The following REXO1 variants were observed in gnomAD, a reference collection of about 807,000 sequenced individuals.
REXO1 encodes REX1, RNA exonuclease 1 homolog.
REXO1 carries 42 observed loss-of-function variants against 102.6 expected under a neutral mutation model. That is an observed-to-expected ratio of 0.41 (90% confidence interval 0.32 to 0.53). REXO1 has a LOEUF of 0.53. REXO1 is among the 20% of genes least tolerant of loss of function. REXO1 has a pLI of 0.27. For missense variants in REXO1, 1,819 were observed against 1,732.5 expected, an observed-to-expected ratio of 1.05 and a Z score of -0.89; for synonymous variants, 908 against 779.1, an observed-to-expected ratio of 1.17 and a Z score of -2.76.
Position 1,817,217 on chromosome 19 carries a change from A to G in REXO1, c.3201+2T>C. 1.2e-6 allele frequency: 2 copies of G among 1,612,248 alleles called. No individual in the cohort carries two copies. The highest frequency in any genetic ancestry group is 1.7e-6 in the Non-Finnish European group (2 of 1,179,976). ...CCGACGCTGGGCAGAGAACAGCCTC[A>G]CCATCTCGCAGTCCAGGGCGTAGAT... On this transcript the variant is annotated splice_donor_variant, in intron 12 of 15. Coordinates refer to ENST00000170168, the MANE Select transcript of REXO1 (RefSeq NM_020695.4). LOFTEE classifies it high-confidence loss of function.
intron 1 of REXO1, among the ~76,000 whole-genome samples, chr19:1,841,082 G>A (rs1416322449): frequency 6.6e-6 from 1 of 152,260 alleles, no homozygotes; most frequent in Admixed American, 6.5e-5. Flanking sequence ...AACAGCCAGT[G>A]CACATGCGGC....
Position 1,816,729 on chromosome 19 carries a change from G to T in REXO1, c.3286C>A (p.Pro1096Thr). The change falls in exon 13 of 16, where the codon CCT (proline) becomes ACT (threonine). Residue 1096 changes from proline to threonine, a missense_variant. Pro to Thr is a conservative substitution (Grantham distance 38). Transcript: ENST00000170168. ...VHVVYDTFVKPDNEIVDYNTR... is the reference protein window; with the variant it reads ...VHVVYDTFVKTDNEIVDYNTR... ...TTGTAGTCCACGATCTCGTTGTCAG[G>T]CTTCACGAAGGTGTCATAAACCACG... The T allele has an allele frequency of 1.2e-6, 2 of 1,612,890 alleles. No individual in the cohort carries two copies. The highest frequency in any genetic ancestry group is 1.6e-4 in the Middle Eastern group (1 of 6,062).
At chr19:1,834,863 AGGCGG>A (rs2069996169) in intron 1 of REXO1, 4 of 277,658 alleles carry the variant, frequency 1.4e-5, no homozygotes, top group Middle Eastern at 4.3e-4. Context: ...CAGGCATGCT[AGGCGG>A]GTCCGAGAAG....
intron 1 of REXO1, among the ~76,000 whole-genome samples, chr19:1,834,560 T>A (rs913132129): frequency 6.6e-6 from 1 of 152,162 alleles, no homozygotes; most frequent in African/African-American, 2.4e-5. Context: ...ACCACCTGCG[T>A]GCACCACCAC....
At chr19:1,823,940 C>G in intron 3 of REXO1, 155 bp from the exon 4 acceptor site, 2 of 397,446 alleles carry the variant, frequency 5.0e-6, no homozygotes, top group Non-Finnish European at 8.8e-6. Flanking sequence ...TGGGGGGAAG[C>G]AGCAGGGGGC....
In REXO1 at chr19:1,827,341, T is replaced by A; in HGVS notation, c.1448A>T (p.Lys483Met). The change falls in exon 2 of 16, where the codon AAG (lysine) becomes ATG (methionine). Residue 483 changes from lysine (K) to methionine (M), a missense_variant. Coordinates refer to ENST00000170168, the MANE Select transcript of REXO1 (RefSeq NM_020695.4). ...PPRPLQLPDR[K>M]STKAPSGKLV... Reference sequence around the variant, plus strand: ...CTTCCCCGACGGGGCCTTGGTGCTCTTCCTGTCGGGCAGCTGGAGGGGGCG... The same window carrying A: ...CTTCCCCGACGGGGCCTTGGTGCTCATCCTGTCGGGCAGCTGGAGGGGGCG... 1 of 1,552,614 alleles carries A rather than the reference T, an allele frequency of 6.4e-7. No homozygotes were observed. The highest frequency in any genetic ancestry group is 8.7e-7 in the Non-Finnish European group (1 of 1,153,498).
At position 1,839,152 on chromosome 19, in the gene REXO1, A is replaced by G. The variant is rs1348426336; in HGVS notation, c.157+9050T>C. Among the ~76,000 whole-genome samples, 5 of 151,712 alleles carry G rather than the reference A, an allele frequency of 3.3e-5. No individual in the cohort carries two copies. The East Asian group carries it at 9.7e-4, about 30-fold the overall frequency. On this transcript the variant is annotated intron_variant, in intron 1 of 15. Coordinates refer to ENST00000170168, the MANE Select transcript of REXO1 (RefSeq NM_020695.4). ...GCTCCTGTAATCCCAGCTACTCGGGAGGCTGAGGCAAAAGTATCACTTGAA... is the reference window on the plus strand; with the variant it reads ...GCTCCTGTAATCCCAGCTACTCGGGGGGCTGAGGCAAAAGTATCACTTGAA...
At chr19:1,838,944 CTG>C (rs2011185289) in intron 1 of REXO1, among the ~76,000 whole-genome samples, 2 of 151,988 alleles carry the variant, frequency 1.3e-5, no homozygotes, top group Admixed American at 6.6e-5. Flanking sequence ...TGGTGAAACC[CTG>C]TGTCTACTAA....
Position 1,838,942 on chromosome 19 carries a change from C to A in REXO1, c.157+9260G>T, listed in dbSNP as rs558249847. On this transcript the variant is annotated intron_variant, in intron 1 of 15. Coordinates refer to ENST00000170168, the MANE Select transcript of REXO1 (RefSeq NM_020695.4). ...GACCAGCCTGGGCAACATGGTGAAA[C>A]CCTGTGTCTACTAAAAATACAAAAA... is the stretch of plus-strand genomic sequence containing the variant. Among the ~76,000 whole-genome samples, 517 of 152,130 alleles carry A rather than the reference C, an allele frequency of 3.4e-3. 1 individual carries two copies. Among genetic ancestry groups the A allele is most frequent in the Middle Eastern group, 0.01 (3 of 292 alleles).
intron 1 of REXO1, among the ~76,000 whole-genome samples, chr19:1,836,115 C>A (rs2070030792): frequency 6.6e-6 from 1 of 152,202 alleles, no homozygotes; most frequent in South Asian, 2.1e-4. Context: ...TCACCCTGGG[C>A]ATCCACTCTC....
At chr19:1,818,192 A>C (rs2069427548) in intron 10 of REXO1, among the ~76,000 whole-genome samples, 1 of 152,192 alleles carries the variant, frequency 6.6e-6, no homozygotes, top group Non-Finnish European at 1.5e-5. Context: ...AGCAACCTCC[A>C]CATTTCCATG....
Position 1,828,492 on chromosome 19 carries a change from G to A in REXO1, c.297C>T (p.Arg99=). The A allele has an allele frequency of 6.2e-7, 1 of 1,605,624 alleles. No homozygotes were observed. The highest frequency in any genetic ancestry group is 8.5e-7 in the Non-Finnish European group (1 of 1,179,810). ...ELVNQAIEAV[R]SEVELEQRRY... Reference sequence around the variant, plus strand: ...GCCGCTGCTCCAGCTCCACCTCACTGCGCACGGCCTCGATGGCCTGGTTGA... The same window carrying A: ...GCCGCTGCTCCAGCTCCACCTCACTACGCACGGCCTCGATGGCCTGGTTGA... Residue 99 remains arginine, a synonymous_variant, in exon 2 of 16, where the codon CGC becomes CGT. Transcript: ENST00000170168.
chr19:1,824,130 G>A, intron 3 of REXO1: 1 of 229,628 alleles, frequency 4.4e-6, no homozygotes, highest in Non-Finnish European at 8.5e-6. Flanking sequence ...GGGAGGCTCT[G>A]GGACTGGAGC....
rs767753117 is a variant in REXO1, at chr19:1,827,888, G to A, written c.901C>T (p.Pro301Ser). Reference sequence around the variant, plus strand: ...GCTTTGGGGGTGCTGGCCGTGGTGGGCTCGTTACCTGGGACCGTGGCGGCC... The same window carrying A: ...GCTTTGGGGGTGCTGGCCGTGGTGGACTCGTTACCTGGGACCGTGGCGGCC... ...DEAATVPGNE[P>S]TTASTPKARA... is the part of the protein sequence containing the mutation. The change falls in exon 2 of 16, where the codon CCC becomes TCC. Residue 301 changes from proline (P) to serine (S), a missense_variant. Pro to Ser is a moderately conservative substitution (Grantham distance 74, BLOSUM62 -1). Transcript: ENST00000170168. 3.7e-6 allele frequency: 6 copies of A among 1,613,750 alleles called. No individual in the cohort carries two copies. The Admixed American group carries it at 1.0e-4, about 27-fold the overall frequency.
At chr19:1,835,341 G>A (rs903288333) in intron 1 of REXO1, among the ~76,000 whole-genome samples, 5 of 152,008 alleles carry the variant, frequency 3.3e-5, no homozygotes, top group Non-Finnish European at 7.4e-5. Flanking sequence ...TCAGGAGTTC[G>A]AAACCAGCCT....
intron 10 of REXO1, among the ~76,000 whole-genome samples, 180 bp from the exon 11 acceptor site, chr19:1,817,960 G>A (rs967435837): frequency 1.3e-5 from 2 of 152,174 alleles, no homozygotes; most frequent in African/African-American, 4.8e-5. Context: ...CAGCCAGGAC[G>A]CCCAGGCCTG....
At chr19:1,831,845 CAAAAAAAA>C (rs745676775) in intron 1 of REXO1, among the ~76,000 whole-genome samples, 5 of 51,320 alleles carry the variant, frequency 9.7e-5, no homozygotes, top group Non-Finnish European at 8.2e-5. Context: ...AACTCCATCT[CAAAAAAAA>C]AAAAAAAAAA....
Position 1,827,480 on chromosome 19 carries a change from G to T in REXO1, c.1309C>A (p.Pro437Thr). ...AERPEGTKKK[P>T]SSATPVATSG... ...GTGGCCACAGGAGTGGCCGAAGATGGCTTCTTCTTGGTCCCTTCCGGCCGC... is the reference window on the plus strand; with the variant it reads ...GTGGCCACAGGAGTGGCCGAAGATGTCTTCTTCTTGGTCCCTTCCGGCCGC... The change falls in exon 2 of 16, where the codon CCA becomes ACA. Residue 437 changes from proline (P) to threonine (T), a missense_variant. Coordinates refer to ENST00000170168, the MANE Select transcript of REXO1 (RefSeq NM_020695.4). 1 of 1,574,784 alleles carries T rather than the reference G, an allele frequency of 6.4e-7. No individual in the cohort carries two copies. Among genetic ancestry groups the T allele is most frequent in the South Asian group, 1.2e-5 (1 of 86,562 alleles).
chr19:1,820,109 G>A, intron 6 of REXO1, 52 bp from the exon 7 acceptor site: 2 of 1,578,602 alleles, frequency 1.3e-6, no homozygotes, highest in Non-Finnish European at 1.7e-6. Context: ...GTGCCGGGGA[G>A]CCCCAGCGGT....
Sources: allele counts gnomAD v4.1 joint callset (sites outside exome capture counted in the v4.1 genomes callset), GRCh38; gene constraint gnomAD v4.1.1; transcripts MANE v1.5; gene names NCBI Gene and HGNC (gene_info 2026-07-23, HGNC 2026-07-21).